The following BOD1L1 variants were observed in gnomAD, a reference collection of about 807,000 sequenced individuals.
The protein encoded by BOD1L1 is biorientation of chromosomes in cell division protein 1-like 1.
BOD1L1 carries 86 observed loss-of-function variants against 240.7 expected under a neutral mutation model. The observed-to-expected ratio is 0.36, with a 90% confidence interval of 0.30 to 0.43. The LOEUF is 0.43. Among genes scored for constraint, BOD1L1 ranks in the 20% least tolerant of loss-of-function variants. The probability of loss-of-function intolerance (pLI) is 1.00; values close to 1 mark genes in which losing one functional copy is unlikely to be tolerated. For missense variants in BOD1L1, 3,554 were observed against 3,643.5 expected (o/e 0.98, Z 0.63); for synonymous variants, 1,268 against 1,272.3 (o/e 1.00, Z 0.07).
chr4:13,620,800 GA>G (rs1716982625), intron 1 of BOD1L1, among the ~76,000 whole-genome samples: 2 of 152,172 alleles, frequency 1.3e-5, no homozygotes, highest in Admixed American at 1.3e-4. Context: ...TGGGGTGGCA[GA>G]AACCAGCTAA....
chr4:13,579,875 C>A, intron 22 of BOD1L1, 53 bp downstream of exon 22: 1 of 1,432,294 alleles, frequency 7.0e-7, no homozygotes, highest in Non-Finnish European at 9.5e-7. Flanking sequence ...CAACAGCCAG[C>A]CTCTCCTGCC....
At chr4:13,592,054 A>T in intron 12 of BOD1L1, 88 bp from the exon 13 acceptor site, 39 of 951,458 alleles carry the variant, frequency 4.1e-5, no homozygotes, top group Non-Finnish European at 5.8e-5. Context: ...TAGGATAGGG[A>T]ACCTATCCTA....
chr4:13,614,054 C>CT (rs1716381458), intron 4 of BOD1L1, 142 bp downstream of exon 4: 2 of 701,444 alleles, frequency 2.9e-6, no homozygotes, highest in African/African-American at 1.9e-5. Context: ...ATATTTATTG[C>CT]TTTTTTTCTT....
chr4:13,599,906 T>C lies in BOD1L1; in HGVS notation c.6994A>G (p.Thr2332Ala). Residue 2332 changes from threonine to alanine, a missense_variant, in exon 10 of 26, where the codon ACC becomes GCC. Physicochemically the swap from Thr to Ala is moderately conservative, Grantham distance 58. Transcript: ENST00000040738. ...EDLSDAAIISTSTAECMPISA... is the reference protein window; with the variant it reads ...EDLSDAAIISASTAECMPISA... ...ATTGGCATACATTCTGCTGTGCTGGTGGAGATGATGGCAGCATCGCTCAAG... is the reference window on the plus strand; with the variant it reads ...ATTGGCATACATTCTGCTGTGCTGGCGGAGATGATGGCAGCATCGCTCAAG... The C allele has an allele frequency of 6.2e-7, 1 of 1,613,874 alleles. No homozygotes were observed.
rs759881813 is a variant in BOD1L1 at position 13,604,896 on chromosome 4, C to G, written c.2004G>C (p.Gln668His). The G allele has an allele frequency of 6.2e-7, 1 of 1,613,422 alleles. No homozygotes were observed. Among genetic ancestry groups the G allele is most frequent in the East Asian group, 2.2e-5 (1 of 44,856 alleles). ...TTACATCTCTTGTGTCAGTCTCTTC[C>G]TGTACCCCCTCCATGATAACAGGGG... The part of the protein sequence containing the change: ...TSTPVIMEGV[Q>H]EETDTRDVKR... The change falls in exon 10 of 26, where the codon CAG becomes CAC. Residue 668 changes from glutamine to histidine, a missense_variant. Around this residue, in one of 2 missense-constraint regions of BOD1L1, gnomAD observed 3,393 missense variants for 3,427.1 expected, o/e 0.99. Coordinates refer to ENST00000040738, the MANE Select transcript of BOD1L1 (RefSeq NM_148894.3).
rs1436702984 is a variant in BOD1L1, at chr4:13,569,484, A to G, written c.*527T>C. The G allele has an allele frequency of 3.3e-5, 5 of 152,162 alleles. No individual in the cohort carries two copies. The highest frequency in any genetic ancestry group is 7.3e-5 in the Non-Finnish European group (5 of 68,042). 9.4% of individuals were successfully genotyped at this position (152,162 alleles called of 1,614,324 possible). A position where few individuals can be genotyped will look rare whatever the true frequency, so the allele number is the denominator to read the frequency against. On this transcript the variant is annotated 3_prime_UTR_variant, in exon 26 of 26. Transcript: ENST00000040738. ...CAGGCAGAGTCCTAAAAAATTTTCTACTAATGACTGCATAGCATTTAAAAC... is the reference window on the plus strand; with the variant it reads ...CAGGCAGAGTCCTAAAAAATTTTCTGCTAATGACTGCATAGCATTTAAAAC...
At chr4:13,621,363 A>G (rs573675785) in intron 1 of BOD1L1, among the ~76,000 whole-genome samples, 2 of 152,172 alleles carry the variant, frequency 1.3e-5, no homozygotes, top group East Asian at 3.9e-4. Context: ...CAAAGTTTAC[A>G]CTCCAGTGAG....
At chr4:13,571,605 C>T (rs749382628) in intron 25 of BOD1L1, among the ~76,000 whole-genome samples, 3 of 152,306 alleles carry the variant, frequency 2.0e-5, no homozygotes, top group Non-Finnish European at 2.9e-5. Context: ...ATGTGAGCTT[C>T]GTAGTTTATC....
At chr4:13,574,283 T>C (rs1712508055) in intron 25 of BOD1L1, among the ~76,000 whole-genome samples, 1 of 152,116 alleles carries the variant, frequency 6.6e-6, no homozygotes, top group African/African-American at 2.4e-5. Flanking sequence ...TGACTGGCTA[T>C]TGGTACTACA....
At chr4:13,617,989 T>C (rs1385214538) in intron 2 of BOD1L1, among the ~76,000 whole-genome samples, 2 of 152,198 alleles carry the variant, frequency 1.3e-5, no homozygotes, top group Admixed American at 6.5e-5. Context: ...GATTCCTCAT[T>C]ACTCATAGGC....
chr4:13,588,432 T>G (rs930763823), intron 15 of BOD1L1, among the ~76,000 whole-genome samples: 2 of 152,198 alleles, frequency 1.3e-5, no homozygotes, highest in Non-Finnish European at 2.9e-5. Flanking sequence ...AATTAGTATT[T>G]TTCTACTGTC....
chr4:13,618,348 G>A (rs1716776968), intron 2 of BOD1L1, among the ~76,000 whole-genome samples: 1 of 152,280 alleles, frequency 6.6e-6, no homozygotes, highest in Admixed American at 6.5e-5. Context: ...GTAATCAGTA[G>A]GGCTCTGTAT....
chr4:13,596,610 C>G (rs1169691174), intron 11 of BOD1L1, among the ~76,000 whole-genome samples: 1 of 150,624 alleles, frequency 6.6e-6, no homozygotes, highest in Non-Finnish European at 1.5e-5. Flanking sequence ...AGATTTTATT[C>G]TAAGCATGAT....
At chr4:13,607,568 G>C (rs1217409768) in intron 8 of BOD1L1, among the ~76,000 whole-genome samples, 1 of 152,176 alleles carries the variant, frequency 6.6e-6, no homozygotes, top group Non-Finnish European at 1.5e-5. Flanking sequence ...GAAGTGCTGG[G>C]ATTAAAGGCG....
In BOD1L1 at chr4:13,579,930, G is replaced by A. The variant is rs372220748; in HGVS notation, c.8747C>T (p.Thr2916Ile). The A allele has an allele frequency of 4.0e-5, 63 of 1,561,148 alleles. No individual in the cohort carries two copies. The highest frequency in any genetic ancestry group is 5.3e-5 in the Non-Finnish European group (61 of 1,151,394). ...PSSSKLKVMQ[T>I]DESNKETANL... is the part of the protein sequence containing the mutation. Reference sequence around the variant, plus strand: ...AGAGGAATGCGGTAGGTACATACCTGTTTGCATTACTTTCAGTTTGCTGCT... The same window carrying A: ...AGAGGAATGCGGTAGGTACATACCTATTTGCATTACTTTCAGTTTGCTGCT... Residue 2916 changes from threonine to isoleucine, a missense_variant and splice_region_variant, in exon 22 of 26, where the codon ACA becomes ATA. Thr to Ile is a moderately conservative substitution (Grantham distance 89). This residue lies in a region of BOD1L1 where 3,393 missense variants were observed against 3,427.1 expected (regional missense o/e 0.99). Coordinates refer to ENST00000040738, the MANE Select transcript of BOD1L1 (RefSeq NM_148894.3).
chr4:13,603,496 G>C lies in BOD1L1; in HGVS notation c.3404C>G (p.Ser1135Cys), dbSNP rs1715399268. Residue 1135 changes from serine to cysteine, a missense_variant, in exon 10 of 26, where the codon TCT becomes TGT. Around this residue, in one of 2 missense-constraint regions of BOD1L1, gnomAD observed 3,393 missense variants for 3,427.1 expected, o/e 0.99. Coordinates refer to ENST00000040738, the MANE Select transcript of BOD1L1 (RefSeq NM_148894.3). ...ATTATTGCGGTTGTCTTGGGTTTTA[G>C]ATACTTCAAACACATTTTCAACACC... ...EPGVENVFEV[S>C]KTQDNRNNNS... is the part of the protein sequence containing the mutation. 1 of 1,613,832 alleles carries C rather than the reference G, an allele frequency of 6.2e-7. No individual in the cohort carries two copies. Among genetic ancestry groups the C allele is most frequent in the Non-Finnish European group, 8.5e-7 (1 of 1,179,896 alleles).
At chr4:13,624,230 G>C (rs962771539) in intron 1 of BOD1L1, 2 of 152,020 alleles carry the variant, frequency 1.3e-5, no homozygotes, top group African/African-American at 4.8e-5. Flanking sequence ...GGGGGAGAGA[G>C]AGAGAGATTT....
chr4:13,584,614 C>T (rs554264054), intron 17 of BOD1L1, among the ~76,000 whole-genome samples: 25 of 152,188 alleles, frequency 1.6e-4, no homozygotes, highest in African/African-American at 5.5e-4. Flanking sequence ...AACCATTGGA[C>T]GAACTGCATT....
In BOD1L1 at chr4:13,599,377, G is replaced by T. The variant is rs144410621; in HGVS notation, c.7523C>A (p.Pro2508Gln). 257 of 1,613,854 alleles carry T rather than the reference G, an allele frequency of 1.6e-4. No homozygotes were observed. The highest frequency in any genetic ancestry group is 2.0e-4 in the Non-Finnish European group (241 of 1,179,888). The part of the protein sequence containing the change: ...NANSPAHLRG[P>Q]EQTSGQTAKD... ...AGCCGTCTGCCCAGACGTCTGTTCT[G>T]GTCCTCTCAGGTGGGCAGGTGAGTT... The change falls in exon 10 of 26, where the codon CCA (proline) becomes CAA (glutamine). Residue 2508 changes from proline (P) to glutamine (Q), a missense_variant. By Grantham distance (76) the Pro-to-Gln change is moderately conservative. This residue lies in a region of BOD1L1 where 3,393 missense variants were observed against 3,427.1 expected (regional missense o/e 0.99). Transcript: ENST00000040738.
Sources: allele counts gnomAD v4.1 joint callset (sites outside exome capture counted in the v4.1 genomes callset), GRCh38; gene constraint gnomAD v4.1.1; regional missense constraint gnomAD v4.1.1; transcripts MANE v1.5; gene names NCBI Gene and HGNC (gene_info 2026-07-23, HGNC 2026-07-21).